CPE: variants seen among roughly 807,000 people sequenced by gnomAD.
CPE encodes the protein carbocypeptidase E.
Under a neutral mutation model 53.5 loss-of-function variants are expected in CPE, and 17 were observed. That is an observed-to-expected ratio of 0.32 (90% CI 0.22 to 0.48). The LOEUF (loss-of-function observed/expected upper bound fraction) is 0.48, where lower values mean the gene tolerates loss of function less well. CPE is among the 20% of genes least tolerant of loss of function. The pLI, the probability that CPE is intolerant of heterozygous loss-of-function variation, is 0.99. For missense variants in CPE, 524 were observed against 614.7 expected (o/e 0.85, Z 1.56); for synonymous variants, 226 against 228.8 (o/e 0.99, Z 0.11).
At position 165,435,234 on chromosome 4, in the gene CPE, A is replaced by G. The variant is rs149963781; in HGVS notation, c.308-29156A>G. 3.5e-3 allele frequency among the ~76,000 whole-genome samples: 538 copies of G among 152,336 alleles called. 2 individuals carry two copies. Among genetic ancestry groups the G allele is most frequent in the African/African-American group, 0.012 (510 of 41,564 alleles). On this transcript the variant is annotated intron_variant, in intron 1 of 8. Coordinates refer to ENST00000402744, the MANE Select transcript of CPE (RefSeq NM_001873.4). ...GCCAAAGTTATAGGAAAAAAGATGG[A>G]AAAGCAAGAGTCTCAAATAAGTTAT...
intron 1 of CPE, among the ~76,000 whole-genome samples, chr4:165,395,245 G>A (rs73862326): frequency 0.022 from 3,278 of 152,212 alleles, 108 homozygotes; most frequent in African/African-American, 0.074. Context: ...GGTTAATTTG[G>A]GGTAAAATTT....
intron 5 of CPE, among the ~76,000 whole-genome samples, chr4:165,485,626 A>T (rs1328899982): frequency 6.6e-6 from 1 of 152,202 alleles, no homozygotes; most frequent in Non-Finnish European, 1.5e-5. Context: ...TTTAGTTTTT[A>T]TAAAAACTTT....
At chr4:165,493,336 T>A (rs1330766377) in intron 7 of CPE, 66 bp downstream of exon 7, 2 of 1,110,692 alleles carry the variant, frequency 1.8e-6, no homozygotes, top group African/African-American at 3.1e-5. Context: ...ATTATCATAA[T>A]TATAAGTCTT....
chr4:165,464,408 A>G lies in CPE; in HGVS notation c.326A>G (p.Tyr109Cys), dbSNP rs1453549759. 1.9e-6 allele frequency: 3 copies of G among 1,608,258 alleles called. No individual in the cohort carries two copies. Among genetic ancestry groups the G allele is most frequent in the South Asian group, 2.2e-5 (2 of 89,806 alleles). The change falls in exon 2 of 9, where the codon TAC becomes TGC. Residue 109 changes from tyrosine to cysteine, a missense_variant. By Grantham distance (194) the Tyr-to-Cys change is radical. Coordinates refer to ENST00000402744, the MANE Select transcript of CPE (RefSeq NM_001873.4). ...CTTTTAGGTGAGCCTGAATTTAAAT[A>G]CATTGGGAATATGCATGGGAATGAG... Reference protein sequence around the residue: ...VHEPGEPEFKYIGNMHGNEAV... With the variant: ...VHEPGEPEFKCIGNMHGNEAV...
chr4:165,442,019 G>A (rs1731618933), intron 1 of CPE, among the ~76,000 whole-genome samples: 1 of 94,174 alleles, frequency 1.1e-5, no homozygotes, highest in African/African-American at 4.5e-5. Flanking sequence ...AAGACGGTGA[G>A]TTTGTTTTTT....
At chr4:165,409,062 TTAG>T (rs1179707059) in intron 1 of CPE, among the ~76,000 whole-genome samples, 1 of 152,222 alleles carries the variant, frequency 6.6e-6, no homozygotes, top group East Asian at 1.9e-4. Flanking sequence ...ACAAGTATGC[TTAG>T]AGCAGCTAAG....
chr4:165,452,464 T>C (rs1399053601), intron 1 of CPE, among the ~76,000 whole-genome samples: 1 of 152,196 alleles, frequency 6.6e-6, no homozygotes, highest in African/African-American at 2.4e-5. Flanking sequence ...AACCTGTGTA[T>C]AGGCATATGC....
chr4:165,456,739 A>ATT (rs35855408), intron 1 of CPE, among the ~76,000 whole-genome samples: 32,964 of 101,012 alleles, frequency 0.33, 6,685 homozygotes, highest in Middle Eastern at 0.39. Flanking sequence ...TGCCCAGCTA[A>ATT]TTTTTTTTTT....
chr4:165,436,307 T>A (rs1450920807), intron 1 of CPE, among the ~76,000 whole-genome samples: 1 of 152,162 alleles, frequency 6.6e-6, no homozygotes, highest in East Asian at 1.9e-4. Context: ...TAGTGAGTCA[T>A]GACTTGCAGT....
At chr4:165,399,481 T>C (rs1730832518) in intron 1 of CPE, among the ~76,000 whole-genome samples, 1 of 152,182 alleles carries the variant, frequency 6.6e-6, no homozygotes, top group Non-Finnish European at 1.5e-5. Context: ...TCTCCTGCCC[T>C]GGCCTCCTGC....
intron 1 of CPE, among the ~76,000 whole-genome samples, chr4:165,430,097 A>C (rs1197117693): frequency 6.6e-6 from 1 of 152,198 alleles, no homozygotes; most frequent in Admixed American, 6.5e-5. Context: ...CTTTAAAACG[A>C]ATTGATTGTA....
chr4:165,384,216 A>C (rs770029799), intron 1 of CPE, among the ~76,000 whole-genome samples: 1 of 152,264 alleles, frequency 6.6e-6, no homozygotes, highest in Non-Finnish European at 1.5e-5. Context: ...ATGGTTTGAT[A>C]GGCATTATGT....
chr4:165,386,561 T>C (rs549270389), intron 1 of CPE, among the ~76,000 whole-genome samples: 7 of 152,370 alleles, frequency 4.6e-5, no homozygotes, highest in African/African-American at 1.7e-4. Flanking sequence ...TTGTGTGCAC[T>C]GAATCCAGTT....
At chr4:165,487,382 T>C (rs1455420508) in intron 5 of CPE, 56 bp from the exon 6 acceptor site, 3 of 1,605,780 alleles carry the variant, frequency 1.9e-6, no homozygotes, top group Non-Finnish European at 2.5e-6. Flanking sequence ...GACTAGCCTG[T>C]GTAGAGTTTT....
intron 1 of CPE, among the ~76,000 whole-genome samples, chr4:165,451,421 T>A (rs1165163034): frequency 6.6e-6 from 1 of 152,186 alleles, no homozygotes; most frequent in African/African-American, 2.4e-5. Flanking sequence ...ATGCAAAATG[T>A]CTCATCTGTG....
At chr4:165,467,888 T>C (rs764515112) in intron 3 of CPE, 33 bp downstream of exon 3, 12 of 1,605,436 alleles carry the variant, frequency 7.5e-6, no homozygotes, top group Non-Finnish European at 1.0e-5. Context: ...CTTGGGTTCG[T>C]CTCTAGCCTA....
intron 1 of CPE, among the ~76,000 whole-genome samples, chr4:165,407,598 C>T (rs10012690): frequency 6.6e-6 from 1 of 150,884 alleles, no homozygotes; most frequent in Non-Finnish European, 1.5e-5. Context: ...CCCAGGCTGG[C>T]GTGCAGTGGT....
intron 1 of CPE, among the ~76,000 whole-genome samples, chr4:165,394,069 C>CAG (rs1409681088): frequency 6.6e-6 from 1 of 151,844 alleles, no homozygotes; most frequent in Non-Finnish European, 1.5e-5. Context: ...TGTAGAGAGT[C>CAG]AGAGAGAGAG....
At chr4:165,399,072 G>A (rs1730822843) in intron 1 of CPE, among the ~76,000 whole-genome samples, 1 of 152,114 alleles carries the variant, frequency 6.6e-6, no homozygotes, top group Non-Finnish European at 1.5e-5. Flanking sequence ...TTGCCTAAAT[G>A]TACTATACTA....
Sources: gnomAD v4.1 joint callset for allele counts (sites outside exome capture counted in the v4.1 genomes callset) on GRCh38, gnomAD v4.1.1 for gene constraint, MANE v1.5 for transcripts, NCBI Gene and HGNC (gene_info 2026-07-23, HGNC 2026-07-21) for gene names.